DLGAP2: variants seen among roughly 807,000 people sequenced by gnomAD.
DLGAP2 encodes the protein disks large-associated protein 2.
DLGAP2 carries 26 observed loss-of-function variants against 100.3 expected under a neutral mutation model. The ratio of observed to expected loss-of-function variants is 0.26; its 90% confidence interval spans 0.19 to 0.36. DLGAP2 has a LOEUF of 0.36. Ranked by LOEUF, DLGAP2 falls within the 10% of genes least tolerant of loss-of-function variation. The pLI is 1.00. For synonymous variants in DLGAP2, 886 were observed against 630.1 expected, an observed-to-expected ratio of 1.41 and a Z score of -6.08; for missense variants, 1,858 against 1,453.2, an observed-to-expected ratio of 1.28 and a Z score of -4.53.
rs747102860 is a variant in DLGAP2, at chr8:1,565,909, C to G, written c.1442+15C>G. On this transcript the variant is annotated intron_variant, in intron 6 of 14. Transcript: ENST00000637795. Reference sequence around the variant, plus strand: ...GAGCACCAGACGTAAGTGAGACCAGCTGCCTTCCCACTCCAAGCACTTTCC... The same window carrying G: ...GAGCACCAGACGTAAGTGAGACCAGGTGCCTTCCCACTCCAAGCACTTTCC... 46 of 1,577,824 alleles carry G rather than the reference C, an allele frequency of 2.9e-5. No homozygotes were observed. Among genetic ancestry groups the G allele is most frequent in the Non-Finnish European group, 3.9e-5 (45 of 1,161,792 alleles).
intron 8 of DLGAP2, among the ~76,000 whole-genome samples, chr8:1,656,192 G>C (rs560668478): frequency 1.3e-5 from 2 of 152,052 alleles, no homozygotes; most frequent in Non-Finnish European, 2.9e-5. Context: ...GCGTGGTACC[G>C]CGTGCTACTT....
intron 3 of DLGAP2, among the ~76,000 whole-genome samples, chr8:1,319,906 C>T (rs558707736): frequency 2.6e-5 from 4 of 152,250 alleles, no homozygotes; most frequent in Admixed American, 6.5e-5. Context: ...GAGACGGGGA[C>T]GATGGGTGAC....
intron 3 of DLGAP2, among the ~76,000 whole-genome samples, chr8:1,367,104 T>G (rs1278312050): frequency 6.6e-6 from 1 of 152,030 alleles, no homozygotes; most frequent in Non-Finnish European, 1.5e-5. Context: ...CCAACACACA[T>G]GCACATGACC....
At chr8:1,390,319 T>C (rs1796320201) in intron 3 of DLGAP2, among the ~76,000 whole-genome samples, 1 of 152,238 alleles carries the variant, frequency 6.6e-6, no homozygotes, top group Non-Finnish European at 1.5e-5. Flanking sequence ...CTTGTATCTT[T>C]ACAAACTCTT....
At chr8:842,933 T>C (rs539964219) in intron 1 of DLGAP2, among the ~76,000 whole-genome samples, 18 of 152,360 alleles carry the variant, frequency 1.2e-4, no homozygotes, top group African/African-American at 4.3e-4. Flanking sequence ...ATCTTCTTAG[T>C]GTCTTCCAGC....
At chr8:1,551,663 T>A (rs768446192) in intron 5 of DLGAP2, among the ~76,000 whole-genome samples, 46 of 152,026 alleles carry the variant, frequency 3.0e-4, no homozygotes, top group Admixed American at 6.6e-5. Flanking sequence ...TCAAAAACCA[T>A]CCCTCCGAAA....
chr8:772,157 T>G (rs1435486687), intron 1 of DLGAP2, among the ~76,000 whole-genome samples: 1 of 152,104 alleles, frequency 6.6e-6, no homozygotes, highest in Non-Finnish European at 1.5e-5. Context: ...TGCCTCAGCC[T>G]CCCAAAGTGC....
At position 1,004,724 on chromosome 8, in the gene DLGAP2, G is replaced by C. The variant is rs568027975; in HGVS notation, c.73+96758G>C. 2.0e-5 allele frequency among the ~76,000 whole-genome samples: 3 copies of C among 152,314 alleles called. No individual in the cohort carries two copies. In the South Asian group the frequency reaches 6.2e-4, roughly 32 times the overall value. Reference sequence around the variant, plus strand: ...TCCAGTATGTGCGGCATCTTTCTCAGCTGGGAGGTCGGCTTCACACCAGTA... The same window carrying C: ...TCCAGTATGTGCGGCATCTTTCTCACCTGGGAGGTCGGCTTCACACCAGTA... On this transcript the variant is annotated intron_variant, in intron 2 of 14. Coordinates refer to ENST00000637795, the MANE Select transcript of DLGAP2 (RefSeq NM_001346810.2).
In DLGAP2 at chr8:1,703,106, C is replaced by G. The variant is rs1024808340; in HGVS notation, c.*1700C>G. 1.3e-5 allele frequency: 2 copies of G among 152,622 alleles called. No individual in the cohort carries two copies. Among genetic ancestry groups the G allele is most frequent in the Non-Finnish European group, 2.9e-5 (2 of 68,042 alleles). 9.5% of individuals were successfully genotyped at this position (152,622 alleles called of 1,614,324 possible). On this transcript the variant is annotated 3_prime_UTR_variant, in exon 15 of 15. Coordinates refer to ENST00000637795, the MANE Select transcript of DLGAP2 (RefSeq NM_001346810.2). ...TCCCCACATCCCACTGAGCATGGGA[C>G]CATTGGGAGCAGAGCTGATATTAAA...
At chr8:1,080,856 G>A (rs1023805875) in intron 2 of DLGAP2, among the ~76,000 whole-genome samples, 8 of 152,106 alleles carry the variant, frequency 5.3e-5, no homozygotes, top group African/African-American at 1.7e-4. Flanking sequence ...TTCTCATACT[G>A]GACATTTACT....
At chr8:1,304,014 G>T (rs1036007304) in intron 3 of DLGAP2, among the ~76,000 whole-genome samples, 3 of 152,226 alleles carry the variant, frequency 2.0e-5, no homozygotes, top group African/African-American at 7.2e-5. Flanking sequence ...AGGCTGCTTA[G>T]CCACTCAGCC....
chr8:1,221,681 C>T (rs1004231335), intron 2 of DLGAP2, among the ~76,000 whole-genome samples: 2 of 152,206 alleles, frequency 1.3e-5, no homozygotes, highest in African/African-American at 4.8e-5. Context: ...ACAGCATTCT[C>T]AAATATATTT....
At chr8:1,433,397 C>G (rs780897147) in intron 3 of DLGAP2, among the ~76,000 whole-genome samples, 12 of 152,168 alleles carry the variant, frequency 7.9e-5, no homozygotes, top group Non-Finnish European at 1.3e-4. Context: ...GCCAGGCACC[C>G]GCTGCGGTGG....
rs190612406 is a variant in DLGAP2, at chr8:1,178,830, G to A, written c.74-80021G>A. On this transcript the variant is annotated intron_variant, in intron 2 of 14. Coordinates refer to ENST00000637795, the MANE Select transcript of DLGAP2 (RefSeq NM_001346810.2). ...CCACCGCCAGCATCTGTCCACCCTG[G>A]TTTCTCACAAGAGGGTGTGGGTGTG... Among the ~76,000 whole-genome samples the A allele has an allele frequency of 1.6e-3, 249 of 152,324 alleles. 3 individuals carry two copies. The highest frequency in any genetic ancestry group is 5.1e-3 in the African/African-American group (210 of 41,574).
intron 2 of DLGAP2, among the ~76,000 whole-genome samples, chr8:1,066,420 C>G (rs1029958067): frequency 8.7e-5 from 13 of 149,964 alleles, no homozygotes; most frequent in African/African-American, 3.2e-4. Flanking sequence ...CCACCACGGT[C>G]AGGTCTGAGT....
chr8:1,534,775 C>T (rs1275140876), intron 4 of DLGAP2, among the ~76,000 whole-genome samples: 1 of 64,442 alleles, frequency 1.6e-5, no homozygotes, highest in African/African-American at 1.6e-4. Context: ...TGTGTGAGTG[C>T]ACGTGTACGT....
chr8:1,416,298 C>A (rs1464081684), intron 3 of DLGAP2, among the ~76,000 whole-genome samples: 1 of 152,178 alleles, frequency 6.6e-6, no homozygotes, highest in East Asian at 1.9e-4. Flanking sequence ...GTCACGACGG[C>A]CATGGAAACC....
At chr8:1,311,275 A>G (rs965554467) in intron 3 of DLGAP2, among the ~76,000 whole-genome samples, 2 of 152,252 alleles carry the variant, frequency 1.3e-5, no homozygotes, top group African/African-American at 2.4e-5. Flanking sequence ...GATCGAATCT[A>G]TAATGATAAA....
intron 2 of DLGAP2, among the ~76,000 whole-genome samples, chr8:1,234,429 C>T (rs1387009496): frequency 1.3e-5 from 2 of 152,184 alleles, no homozygotes; most frequent in Non-Finnish European, 2.9e-5. Context: ...CCCTGTGGGT[C>T]TGATTCCAGT....
Sources: allele counts gnomAD v4.1 joint callset (sites outside exome capture counted in the v4.1 genomes callset), GRCh38; gene constraint gnomAD v4.1.1; transcripts MANE v1.5; gene names NCBI Gene and HGNC (gene_info 2026-07-23, HGNC 2026-07-21).